PLXNA4: variants seen among roughly 807,000 people sequenced by gnomAD.
PLXNA4 encodes plexin A4.
A neutral mutation model predicts 191.8 loss-of-function variants in PLXNA4; 44 were observed. That is an observed-to-expected ratio of 0.23 (90% confidence interval 0.18 to 0.29). The LOEUF is 0.29. PLXNA4 is among the 10% of genes least tolerant of loss of function. The pLI is 1.00. For synonymous variants in PLXNA4, 1,082 were observed against 1,009.5 expected (o/e 1.07, Z -1.36); for missense variants, 1,800 against 2,488.8 (o/e 0.72, Z 5.89).
At chr7:132,253,963 G>A in intron 4 of PLXNA4, among the ~76,000 whole-genome samples, 1 of 152,198 alleles carries the variant, frequency 6.6e-6, no homozygotes, top group East Asian at 1.9e-4. Flanking sequence ...TCACTGGGCT[G>A]GGGGTCCTAG....
chr7:132,189,008 G>GGAAAGGAAA (rs1796992417), intron 14 of PLXNA4, among the ~76,000 whole-genome samples: 1 of 79,472 alleles, frequency 1.3e-5, no homozygotes, highest in East Asian at 3.7e-4. Flanking sequence ...GAGAGAGAGA[G>GGAAAGGAAA]AGAGAGAGAG....
chr7:132,451,104 C>T (rs1489200490), intron 3 of PLXNA4, among the ~76,000 whole-genome samples: 2 of 152,344 alleles, frequency 1.3e-5, no homozygotes, highest in Middle Eastern at 3.4e-3. Context: ...ACTGCTATGC[C>T]TTATGGAAGA....
At chr7:132,352,496 G>C (rs373372263) in intron 3 of PLXNA4, 1 of 152,236 alleles carries the variant, frequency 6.6e-6, no homozygotes, top group African/African-American at 2.4e-5. Flanking sequence ...ATGAAAAGGG[G>C]GACTTGGGGT....
chr7:132,130,377 GC>G lies in PLXNA4; in HGVS notation c.*101del. ...AGAGAAACAGCGCTGCTCAGGGGATGCTGCTGATGCCAGTCGGAACTTGCAC... is the reference window on the plus strand; with the variant it reads ...AGAGAAACAGCGCTGCTCAGGGGATGTGCTGATGCCAGTCGGAACTTGCAC... On this transcript the variant is annotated 3_prime_UTR_variant, in exon 32 of 32. Transcript: ENST00000321063. 1 of 1,517,886 alleles carries G rather than the reference GC, an allele frequency of 6.6e-7. No individual in the cohort carries two copies. The highest frequency in any genetic ancestry group is 9.1e-7 in the Non-Finnish European group (1 of 1,098,898). The allele number at this position is 1,517,886 out of a possible 1,614,324, so 94.0% of individuals were successfully genotyped here. A position where few individuals can be genotyped will look rare whatever the true frequency, so the allele number is the denominator to read the frequency against.
At chr7:132,137,864 T>G (rs1584752663) in intron 30 of PLXNA4, among the ~76,000 whole-genome samples, 2 of 145,140 alleles carry the variant, frequency 1.4e-5, no homozygotes, top group Admixed American at 6.8e-5. Context: ...AGAGAATGAG[T>G]GAGAGGAGAG....
intron 8 of PLXNA4, among the ~76,000 whole-genome samples, chr7:132,225,624 C>G (rs902699921): frequency 6.6e-6 from 1 of 151,476 alleles, no homozygotes; most frequent in Non-Finnish European, 1.5e-5. Context: ...CCGCCCCCCC[C>G]CACAGCTTTC....
intron 4 of PLXNA4, among the ~76,000 whole-genome samples, chr7:132,248,349 A>G (rs1410277145): frequency 6.6e-6 from 1 of 152,180 alleles, no homozygotes; most frequent in African/African-American, 2.4e-5. Flanking sequence ...TTGCAGAGCC[A>G]TGGGTGTGAG....
At chr7:132,274,743 T>C (rs1027142624) in intron 4 of PLXNA4, among the ~76,000 whole-genome samples, 1 of 151,476 alleles carries the variant, frequency 6.6e-6, no homozygotes, top group Non-Finnish European at 1.5e-5. Context: ...ACAGAAATGA[T>C]ATTGTGCCCT....
At chr7:132,576,546 A>G (rs1802248283), upstream of PLXNA4, 1 of 985,830 alleles carries the variant, frequency 1.0e-6, no homozygotes, top group African/African-American at 1.7e-5. This position sits in a 1 kb window ranked among gnomAD's most constrained non-coding sequence, Gnocchi z 5.8. Context: ...TGCCTCCTCC[A>G]GCCCCAGCCC....
At chr7:132,346,283 C>T (rs1803243877) in intron 3 of PLXNA4, among the ~76,000 whole-genome samples, 1 of 152,188 alleles carries the variant, frequency 6.6e-6, no homozygotes, top group African/African-American at 2.4e-5. Context: ...CTTACGAGTA[C>T]AAAGGCTCTT....
intron 2 of PLXNA4, among the ~76,000 whole-genome samples, chr7:132,491,066 G>A (rs566042085): frequency 3.3e-5 from 5 of 152,098 alleles, no homozygotes; most frequent in Non-Finnish European, 7.4e-5. Flanking sequence ...ATTTTCCACC[G>A]TGTCTTGGAA....
chr7:132,565,636 G>A (rs560675853), intron 1 of PLXNA4, among the ~76,000 whole-genome samples: 9 of 152,182 alleles, frequency 5.9e-5, no homozygotes, highest in Non-Finnish European at 8.8e-5. Context: ...TTCCCCTTCC[G>A]CATGATTCTT....
At chr7:132,391,855 G>A (rs754313927) in intron 3 of PLXNA4, among the ~76,000 whole-genome samples, 10 of 152,114 alleles carry the variant, frequency 6.6e-5, no homozygotes, top group Admixed American at 2.0e-4. Flanking sequence ...GGCTGGGCCC[G>A]GTGGCTCACG....
chr7:132,228,862 T>C (rs535590182), intron 5 of PLXNA4, among the ~76,000 whole-genome samples: 9 of 152,314 alleles, frequency 5.9e-5, no homozygotes, highest in African/African-American at 2.2e-4. Context: ...GCTTTGAACA[T>C]GCCAGTTCTT....
intron 1 of PLXNA4, among the ~76,000 whole-genome samples, chr7:132,515,827 A>G (rs778122015): frequency 6.6e-6 from 1 of 152,180 alleles, no homozygotes; most frequent in Non-Finnish European, 1.5e-5. Flanking sequence ...CCTACTATAT[A>G]TTAGTGCAGG....
chr7:132,254,081 T>G (rs66694965), intron 4 of PLXNA4, among the ~76,000 whole-genome samples: 24,731 of 152,080 alleles, frequency 0.16, 2,194 homozygotes, highest in Middle Eastern at 0.18. Flanking sequence ...CTATTGTCCT[T>G]TCAAGCCAGA....
chr7:132,580,075 G>A (rs1015210428), upstream of PLXNA4, among the ~76,000 whole-genome samples: 10 of 152,030 alleles, frequency 6.6e-5, no homozygotes, highest in South Asian at 4.2e-4. Flanking sequence ...TGACACATTC[G>A]CCCCTTAGAG....
chr7:132,136,904 G>T (rs1795130017), intron 30 of PLXNA4, among the ~76,000 whole-genome samples: 1 of 152,012 alleles, frequency 6.6e-6, no homozygotes, highest in East Asian at 1.9e-4. Context: ...ATCATGGGAG[G>T]GTCTCTCTGG....
upstream of PLXNA4, among the ~76,000 whole-genome samples, chr7:132,579,480 G>A (rs1802361307): frequency 6.7e-6 from 1 of 149,564 alleles, no homozygotes; most frequent in African/African-American, 2.5e-5. Flanking sequence ...TATGGCTTGA[G>A]TTCCAGGCCC....
Sources: allele counts gnomAD v4.1 joint callset (sites outside exome capture counted in the v4.1 genomes callset), GRCh38; gene constraint gnomAD v4.1.1; non-coding constraint Gnocchi (gnomAD v3.1); transcripts MANE v1.5; gene names NCBI Gene and HGNC (gene_info 2026-07-23, HGNC 2026-07-21).